MSH3: variants seen among roughly 807,000 people sequenced by gnomAD.
MSH3 encodes mutS homolog 3.
MSH3 carries 106 observed loss-of-function variants against 123.3 expected under a neutral mutation model. The observed-to-expected ratio is 0.86, with a 90% CI of 0.73 to 1.01. MSH3 has a LOEUF of 1.01. Among genes scored for constraint, MSH3 ranks in the 50% least tolerant of loss-of-function variants. The probability of loss-of-function intolerance (pLI) is 0.00; values close to 1 mark genes in which losing one functional copy is unlikely to be tolerated. For missense variants in MSH3, 1,459 were observed against 1,347.6 expected, an observed-to-expected ratio of 1.08 and a Z score of -1.29; for synonymous variants, 515 against 481.4, an observed-to-expected ratio of 1.07 and a Z score of -0.91.
At chr5:80,667,693 C>T (rs1260079274) in intron 3 of MSH3, among the ~76,000 whole-genome samples, 1 of 152,192 alleles carries the variant, frequency 6.6e-6, no homozygotes, top group Non-Finnish European at 1.5e-5. Context: ...AGGGCTGGAC[C>T]AGGCGTACCA....
chr5:80,719,557 T>G (rs950023884), intron 8 of MSH3, among the ~76,000 whole-genome samples: 14 of 152,226 alleles, frequency 9.2e-5, no homozygotes, highest in Admixed American at 8.5e-4. Flanking sequence ...GATTTTATCA[T>G]TCAAATATCA....
chr5:80,875,883 AC>A lies in MSH3; in HGVS notation c.*22del, dbSNP rs1394447051. ...ATTAAAATGAAGACTACATTTGTGA[AC>A]AAAAAATGGAGAATTAAAAATACCA... On this transcript the variant is annotated 3_prime_UTR_variant, in exon 24 of 24. Transcript: ENST00000265081. 1 of 1,422,580 alleles carries A rather than the reference AC, an allele frequency of 7.0e-7. No homozygotes were observed. The highest frequency in any genetic ancestry group is 1.2e-5 in the South Asian group (1 of 86,560). The allele number at this position is 1,422,580 out of a possible 1,614,324, so 88.1% of individuals were successfully genotyped here.
chr5:80,702,831 G>C (rs1174413115), intron 8 of MSH3, among the ~76,000 whole-genome samples: 1 of 152,142 alleles, frequency 6.6e-6, no homozygotes, highest in Non-Finnish European at 1.5e-5. Flanking sequence ...GGGCATCATG[G>C]TAAATCCCTG....
intron 12 of MSH3, among the ~76,000 whole-genome samples, chr5:80,760,646 A>G (rs1333982934): frequency 6.6e-6 from 1 of 152,226 alleles, no homozygotes; most frequent in African/African-American, 2.4e-5. Flanking sequence ...CAGCAAACAA[A>G]TTCTCCGTCT....
chr5:80,709,566 G>C (rs1201658944), intron 8 of MSH3, among the ~76,000 whole-genome samples: 1 of 152,158 alleles, frequency 6.6e-6, no homozygotes, highest in Non-Finnish European at 1.5e-5. Flanking sequence ...AGCTTGCAGT[G>C]AGCTGAGATC....
chr5:80,825,261 A>AT, intron 20 of MSH3, among the ~76,000 whole-genome samples: 1 of 152,248 alleles, frequency 6.6e-6, no homozygotes. Context: ...TTTGGTATCC[A>AT]TCCCATGCAT....
At chr5:80,874,872 AATT>A (rs1746279063) in intron 23 of MSH3, among the ~76,000 whole-genome samples, 1 of 152,218 alleles carries the variant, frequency 6.6e-6, no homozygotes, top group African/African-American at 2.4e-5. Flanking sequence ...AAGATGAGAG[AATT>A]ATTAGAAGAC....
At chr5:80,746,959 G>C (rs1743732394) in intron 12 of MSH3, 1 of 157,628 alleles carries the variant, frequency 6.3e-6, no homozygotes, top group Admixed American at 6.5e-5. Context: ...AGATTTAGTG[G>C]GTCACTCCGA....
chr5:80,849,518 G>C (rs78453360), intron 20 of MSH3, among the ~76,000 whole-genome samples: 1 of 152,098 alleles, frequency 6.6e-6, no homozygotes, highest in African/African-American at 2.4e-5. Flanking sequence ...CAATCTAAGC[G>C]GAGGTTCCCA....
chr5:80,741,514 C>T lies in MSH3; in HGVS notation c.1619C>T (p.Thr540Ile), dbSNP rs755593955. Residue 540 changes from threonine to isoleucine, a missense_variant, in exon 11 of 24, where the codon ACA (threonine) becomes ATA (isoleucine). By Grantham distance (89) the Thr-to-Ile change is moderately conservative. Transcript: ENST00000265081. The part of the protein sequence containing the change: ...SKMEFMTING[T>I]TLRNLEILQN... ...ATGGAATTTATGACAATTAATGGAA[C>T]AACATTAAGGAATCTGGAAATCCTA... The T allele has an allele frequency of 6.2e-7, 1 of 1,607,724 alleles. No homozygotes were observed. Among genetic ancestry groups the T allele is most frequent in the East Asian group, 2.2e-5 (1 of 44,810 alleles).
intron 17 of MSH3, among the ~76,000 whole-genome samples, chr5:80,786,868 A>G (rs1003123518): frequency 5.9e-5 from 9 of 152,080 alleles, no homozygotes; most frequent in Non-Finnish European, 1.3e-4. Flanking sequence ...TTAGGCTTTT[A>G]GATCAATAAA....
At chr5:80,833,968 G>A (rs1745463855) in intron 20 of MSH3, among the ~76,000 whole-genome samples, 1 of 152,102 alleles carries the variant, frequency 6.6e-6, no homozygotes. Context: ...AATCAAGCTA[G>A]AATAAATAAA....
chr5:80,862,340 A>G (rs1307746055), intron 21 of MSH3, among the ~76,000 whole-genome samples: 5 of 152,228 alleles, frequency 3.3e-5, no homozygotes, highest in South Asian at 2.1e-4. Context: ...CAGGTGAATC[A>G]AAACTGGAGT....
chr5:80,874,581 C>T (rs1746274288), intron 23 of MSH3, among the ~76,000 whole-genome samples: 1 of 152,032 alleles, frequency 6.6e-6, no homozygotes, highest in Admixed American at 6.6e-5. Context: ...TCTTTAGTTG[C>T]CATATTATTA....
intron 3 of MSH3, among the ~76,000 whole-genome samples, chr5:80,665,807 T>C (rs1321336051): frequency 6.6e-6 from 1 of 152,224 alleles, no homozygotes; most frequent in African/African-American, 2.4e-5. Context: ...GAACATGGGC[T>C]TTTTACTTTA....
At chr5:80,715,078 G>T (rs1200080883) in intron 8 of MSH3, 2 of 152,138 alleles carry the variant, frequency 1.3e-5, no homozygotes, top group Non-Finnish European at 2.9e-5. Context: ...CTGTTAATCT[G>T]TTATCTCTTC....
chr5:80,836,853 G>A (rs754692357), intron 20 of MSH3, among the ~76,000 whole-genome samples: 7 of 151,898 alleles, frequency 4.6e-5, no homozygotes, highest in Middle Eastern at 3.4e-3. Flanking sequence ...TTGAATCTGC[G>A]GTTGCAGATA....
intron 20 of MSH3, among the ~76,000 whole-genome samples, chr5:80,818,421 AAG>A (rs1210006359): frequency 5.6e-4 from 84 of 150,742 alleles, no homozygotes; most frequent in African/African-American, 1.8e-3. Flanking sequence ...AAAAAAAAAA[AAG>A]GTGGGGGAGA....
intron 8 of MSH3, 56 bp from the exon 9 acceptor site, chr5:80,725,397 C>T: frequency 8.5e-7 from 1 of 1,181,270 alleles, no homozygotes; most frequent in Non-Finnish European, 1.3e-6. Context: ...GACCTAAATA[C>T]CAGCATTTCA....
Sources: gnomAD v4.1 joint callset for allele counts (sites outside exome capture counted in the v4.1 genomes callset) on GRCh38, gnomAD v4.1.1 for gene constraint, MANE v1.5 for transcripts, NCBI Gene and HGNC (gene_info 2026-07-23, HGNC 2026-07-21) for gene names.